The following TTC7B variants were observed in gnomAD, a reference collection of about 807,000 sequenced individuals.
The protein encoded by TTC7B is tetratricopeptide repeat domain 7B, also known as tetratricopeptide repeat protein 7B.
TTC7B carries 28 observed loss-of-function variants against 106.8 expected under a neutral mutation model. The ratio of observed to expected loss-of-function variants is 0.26; its 90% CI spans 0.19 to 0.36. The LOEUF (loss-of-function observed/expected upper bound fraction) is 0.36, where lower values mean the gene tolerates loss of function less well. Ranked by LOEUF, TTC7B falls within the 10% of genes least tolerant of loss-of-function variation. The pLI, the probability that TTC7B is intolerant of heterozygous loss-of-function variation, is 1.00. For missense variants in TTC7B, 862 were observed against 1,076.4 expected, an observed-to-expected ratio of 0.80 and a Z score of 2.79; for synonymous variants, 405 against 430.6, an observed-to-expected ratio of 0.94 and a Z score of 0.74.
chr14:90,763,409 G>T (rs72695513), intron 3 of TTC7B, among the ~76,000 whole-genome samples: 6,348 of 152,244 alleles, frequency 0.042, 172 homozygotes, highest in Non-Finnish European at 0.058. Context: ...AAACGCCACT[G>T]CTAACATCTT....
intron 19 of TTC7B, among the ~76,000 whole-genome samples, chr14:90,552,317 C>T (rs963728705): frequency 2.0e-5 from 3 of 152,246 alleles, no homozygotes; most frequent in African/African-American, 7.2e-5. Flanking sequence ...CAGCAGGTCA[C>T]AAGTTCTGGG....
chr14:90,622,228 C>T (rs1336332687), intron 15 of TTC7B, among the ~76,000 whole-genome samples: 4 of 151,590 alleles, frequency 2.6e-5, no homozygotes, highest in Admixed American at 2.6e-4. Context: ...AAGCAATTCT[C>T]CTGCCTCAGC....
intron 1 of TTC7B, among the ~76,000 whole-genome samples, chr14:90,803,926 G>A (rs1460219353): frequency 1.3e-5 from 2 of 152,064 alleles, no homozygotes; most frequent in Non-Finnish European, 2.9e-5. Flanking sequence ...CAGCAGGGCA[G>A]GAAGTGACTC....
intron 5 of TTC7B, among the ~76,000 whole-genome samples, chr14:90,717,090 A>G (rs1230641448): frequency 2.0e-5 from 3 of 152,226 alleles, no homozygotes; most frequent in Non-Finnish European, 2.9e-5. Flanking sequence ...CTGTAATCCC[A>G]GCACTTTGGG....
chr14:90,581,670 T>G (rs971491692), intron 18 of TTC7B, among the ~76,000 whole-genome samples: 1 of 152,194 alleles, frequency 6.6e-6, no homozygotes, highest in Non-Finnish European at 1.5e-5. Flanking sequence ...TAGAGCATTA[T>G]GAACAAAGGC....
intron 17 of TTC7B, among the ~76,000 whole-genome samples, chr14:90,606,682 C>G (rs1399660132): frequency 6.6e-6 from 1 of 152,108 alleles, no homozygotes; most frequent in Non-Finnish European, 1.5e-5. Context: ...AAGGTGATAC[C>G]TAAGGGGAAG....
At chr14:90,694,676 TA>T (rs1480105690) in intron 6 of TTC7B, among the ~76,000 whole-genome samples, 7,224 of 89,308 alleles carry the variant, frequency 0.081, no homozygotes, top group East Asian at 0.17. Context: ...AATATATGTA[TA>T]TTTTTATTTT....
Position 90,786,796 on chromosome 14 carries a change from G to A in TTC7B, c.122-468C>T, listed in dbSNP as rs530254332. Among the ~76,000 whole-genome samples the A allele has an allele frequency of 3.9e-5, 6 of 152,132 alleles. No individual in the cohort carries two copies. The East Asian group carries it at 1.2e-3, about 29-fold the overall frequency. On this transcript the variant is annotated intron_variant, in intron 1 of 19. Coordinates refer to ENST00000328459, the MANE Select transcript of TTC7B (RefSeq NM_001010854.2). Reference sequence around the variant, plus strand: ...GGGTTTCACCATGTTAGCCAGGCTGGTCTCAAACTCCTGACCTCAGGTGAT... The same window carrying A: ...GGGTTTCACCATGTTAGCCAGGCTGATCTCAAACTCCTGACCTCAGGTGAT...
At chr14:90,670,295 A>C (rs1016623880) in intron 9 of TTC7B, among the ~76,000 whole-genome samples, 1 of 152,208 alleles carries the variant, frequency 6.6e-6, no homozygotes, top group Non-Finnish European at 1.5e-5. Flanking sequence ...AGGTACCCAA[A>C]ATAAGCAAAT....
At chr14:90,711,842 CAA>C (rs979338670) in intron 5 of TTC7B, among the ~76,000 whole-genome samples, 2 of 151,838 alleles carry the variant, frequency 1.3e-5, no homozygotes, top group Non-Finnish European at 2.9e-5. Context: ...AATGAAGAAT[CAA>C]AAAAGACATA....
intron 15 of TTC7B, among the ~76,000 whole-genome samples, chr14:90,622,025 C>T (rs754940897): frequency 6.6e-6 from 1 of 151,850 alleles, no homozygotes; most frequent in Non-Finnish European, 1.5e-5. Context: ...ACATTTAATA[C>T]ATTTCAATAT....
At chr14:90,696,985 G>T (rs75617345) in intron 5 of TTC7B, among the ~76,000 whole-genome samples, 1 of 152,146 alleles carries the variant, frequency 6.6e-6, no homozygotes, top group African/African-American at 2.4e-5. Flanking sequence ...TAAGTAACAC[G>T]GCGGGAAGGA....
chr14:90,646,888 A>G, intron 14 of TTC7B, 63 bp downstream of exon 14: 1 of 1,406,832 alleles, frequency 7.1e-7, no homozygotes, highest in Non-Finnish European at 1.0e-6. Flanking sequence ...CAAACTGAAG[A>G]GCTGAAGGAG....
At chr14:90,760,814 T>G (rs894872270) in intron 3 of TTC7B, among the ~76,000 whole-genome samples, 2 of 152,202 alleles carry the variant, frequency 1.3e-5, no homozygotes, top group African/African-American at 4.8e-5. Flanking sequence ...GCAGACCTAT[T>G]CCTGAATCCT....
chr14:90,766,085 C>T (rs1164397606), intron 3 of TTC7B, among the ~76,000 whole-genome samples: 4 of 151,148 alleles, frequency 2.6e-5, no homozygotes, highest in Non-Finnish European at 1.5e-5. Context: ...CCTAAGAAGA[C>T]CTCAAATATA....
intron 5 of TTC7B, among the ~76,000 whole-genome samples, chr14:90,713,270 C>A (rs1407475522): frequency 6.6e-6 from 1 of 152,074 alleles, no homozygotes; most frequent in Non-Finnish European, 1.5e-5. Flanking sequence ...TGCACACCAC[C>A]ATGCCCCACT....
At chr14:90,583,773 C>T (rs1891602873) in intron 18 of TTC7B, among the ~76,000 whole-genome samples, 1 of 152,166 alleles carries the variant, frequency 6.6e-6, no homozygotes, top group African/African-American at 2.4e-5. Flanking sequence ...TCTGAATGTT[C>T]TCTTAGGAAC....
intron 1 of TTC7B, among the ~76,000 whole-genome samples, chr14:90,799,237 T>C: frequency 6.6e-6 from 1 of 152,176 alleles, no homozygotes; most frequent in Non-Finnish European, 1.5e-5. Flanking sequence ...AGGCATCCTT[T>C]AAGACACATT....
chr14:90,552,391 C>A (rs1388957592), intron 19 of TTC7B, among the ~76,000 whole-genome samples: 3 of 152,200 alleles, frequency 2.0e-5, no homozygotes. Flanking sequence ...ACCCAGTTTC[C>A]CCAAAGGCCA....
Sources: allele counts gnomAD v4.1 joint callset (sites outside exome capture counted in the v4.1 genomes callset), GRCh38; gene constraint gnomAD v4.1.1; transcripts MANE v1.5; gene names NCBI Gene and HGNC (gene_info 2026-07-23, HGNC 2026-07-21).